Variants in PDCD2L observed in about 807,000 individuals in gnomAD.
The protein encoded by PDCD2L is programmed cell death 2 like.
In PDCD2L, 44 loss-of-function variants were observed where a neutral mutation model predicts 40.4. The ratio of observed to expected loss-of-function variants is 1.09; its 90% CI spans 0.86 to 1.40. PDCD2L has a LOEUF of 1.40. Ranked by LOEUF, PDCD2L falls within the 40% of genes most tolerant of loss-of-function variation. The pLI is 0.00. For synonymous variants in PDCD2L, 194 were observed against 174.6 expected (o/e 1.11, Z -0.88); for missense variants, 470 against 453.7 (o/e 1.04, Z -0.33).
rs1257444853 is a variant in PDCD2L at position 34,404,807 on chromosome 19, TG to T, written c.268del (p.Ala90ArgfsTer67). On this transcript the variant is annotated frameshift_variant, in exon 2 of 7. Transcript: ENST00000246535. LOFTEE classifies it high-confidence loss of function. ...CACPGCSTGG[A>X]RSWKVFRSQC... is the part of the protein sequence containing the mutation. ...CCTGCCCCGGCTGTAGCACCGGCGGTGCGCGCAGGTAGGCGGGGAAGTCCCA... is the reference window on the plus strand; with the variant it reads ...CCTGCCCCGGCTGTAGCACCGGCGGTCGCGCAGGTAGGCGGGGAAGTCCCA... The T allele has an allele frequency of 3.7e-6, 6 of 1,603,630 alleles. No homozygotes were observed. In the South Asian group the frequency reaches 6.7e-5, roughly 18 times the overall value.
intron 4 of PDCD2L, among the ~76,000 whole-genome samples, chr19:34,412,000 TATATATATTAAAAA>T (rs1294998556): frequency 6.9e-6 from 1 of 144,834 alleles, no homozygotes; most frequent in African/African-American, 2.5e-5. Flanking sequence ...AATAATAAAA[TATATATATTAAAAA>T]ATATATATGA....
chr19:34,414,475 T>A (rs938453946), intron 5 of PDCD2L, among the ~76,000 whole-genome samples: 1 of 41,470 alleles, frequency 2.4e-5, no homozygotes, highest in African/African-American at 6.2e-5. Context: ...CATGCCTGGC[T>A]TTTTTTTTTT....
intron 6 of PDCD2L, among the ~76,000 whole-genome samples, chr19:34,422,975 C>T (rs1045545723): frequency 6.6e-6 from 1 of 152,130 alleles, no homozygotes; most frequent in Non-Finnish European, 1.5e-5. Context: ...ACCTCAGCCT[C>T]CCAAAGTGCT....
chr19:34,404,863 G>A, intron 2 of PDCD2L, 48 bp downstream of exon 2: 1 of 1,609,110 alleles, frequency 6.2e-7, no homozygotes, highest in Non-Finnish European at 8.5e-7. Flanking sequence ...CTTTCCAGCG[G>A]GCTGGGGCGG....
chr19:34,415,182 G>A (rs1307203859), intron 5 of PDCD2L, among the ~76,000 whole-genome samples: 2 of 152,006 alleles, frequency 1.3e-5, no homozygotes, highest in African/African-American at 2.4e-5. Context: ...GTGCAGTGAC[G>A]TGATCCTGGC....
intron 4 of PDCD2L, 34 bp downstream of exon 4, chr19:34,409,544 CTG>C (rs1491571389): frequency 6.3e-7 from 1 of 1,576,964 alleles, no homozygotes; most frequent in East Asian, 2.2e-5. Flanking sequence ...TGAGAGGTGA[CTG>C]GATTGGGAAG....
At chr19:34,405,807 G>T (rs2075072111) in intron 3 of PDCD2L, among the ~76,000 whole-genome samples, 1 of 152,138 alleles carries the variant, frequency 6.6e-6, no homozygotes, top group South Asian at 2.1e-4. Context: ...AAGGGAGGTT[G>T]AGGCAGGAGA....
chr19:34,421,296 T>C (rs1310725113), intron 5 of PDCD2L: 2 of 535,740 alleles, frequency 3.7e-6, no homozygotes, highest in Non-Finnish European at 6.7e-6. Context: ...GTTGCAGCTT[T>C]ACCTAGATTC....
chr19:34,425,750 CTGAAATTTT>C (rs2075174171), intron 6 of PDCD2L, among the ~76,000 whole-genome samples: 1 of 152,074 alleles, frequency 6.6e-6, no homozygotes, highest in African/African-American at 2.4e-5. Flanking sequence ...TGAACACTTG[CTGAAATTTT>C]TGTTTATTTT....
chr19:34,426,133 TATTAATATAA>T lies in PDCD2L; in HGVS notation c.*19_*28del. Reference sequence around the variant, plus strand: ...ATTGTTTAAGTAGAGCATTTCCTTTTATTAATATAAATTAAAACAAATGTTTACATCCAAA... The same window carrying T: ...ATTGTTTAAGTAGAGCATTTCCTTTTATTAAAACAAATGTTTACATCCAAA... On this transcript the variant is annotated 3_prime_UTR_variant, in exon 7 of 7. Transcript: ENST00000246535. The T allele has an allele frequency of 6.6e-7, 1 of 1,511,154 alleles. No homozygotes were observed. Among genetic ancestry groups the T allele is most frequent in the Non-Finnish European group, 9.1e-7 (1 of 1,095,052 alleles). 93.6% of individuals were successfully genotyped at this position (1,511,154 alleles called of 1,614,324 possible). A position where few individuals can be genotyped will look rare whatever the true frequency, so the allele number is the denominator to read the frequency against.
intron 5 of PDCD2L, among the ~76,000 whole-genome samples, chr19:34,420,948 T>C (rs1163437173): frequency 6.6e-6 from 1 of 152,160 alleles, no homozygotes; most frequent in Non-Finnish European, 1.5e-5. Flanking sequence ...ATGAAACTGT[T>C]CACCTCAGAT....
chr19:34,417,225 G>A (rs2075130225), intron 5 of PDCD2L, among the ~76,000 whole-genome samples: 1 of 152,098 alleles, frequency 6.6e-6, no homozygotes, highest in South Asian at 2.1e-4. Context: ...GAGCTCAAAG[G>A]TGAGAAAATA....
chr19:34,415,551 T>C (rs757240637), intron 5 of PDCD2L, among the ~76,000 whole-genome samples: 1 of 152,180 alleles, frequency 6.6e-6, no homozygotes, highest in Non-Finnish European at 1.5e-5. Context: ...AATAGCCACA[T>C]AGTAAAAACA....
intron 6 of PDCD2L, among the ~76,000 whole-genome samples, chr19:34,423,339 C>T (rs1267913195): frequency 6.6e-6 from 1 of 151,322 alleles, no homozygotes; most frequent in Non-Finnish European, 1.5e-5. Flanking sequence ...CCCACCACCA[C>T]ACCCAGCTAA....
chr19:34,419,991 T>C (rs983091230), intron 5 of PDCD2L, among the ~76,000 whole-genome samples: 19 of 151,914 alleles, frequency 1.3e-4, no homozygotes, highest in African/African-American at 4.3e-4. Flanking sequence ...TTTTGTATTA[T>C]TATTATTATT....
chr19:34,419,773 C>CCT (rs1431467148), intron 5 of PDCD2L, among the ~76,000 whole-genome samples: 7 of 36,638 alleles, frequency 1.9e-4, no homozygotes, highest in African/African-American at 7.5e-4. Context: ...CTTTATGTTG[C>CCT]TTTTTTTTTT....
In PDCD2L at chr19:34,404,475, G is replaced by A. The variant is rs1313604616; in HGVS notation, c.45G>A (p.Ala15=). The stretch of plus-strand genomic sequence containing the variant: ...CGGTGCTGCTGGGCCTTCGAGATGC[G>A]CCGGTGCACGGCAGCCCCACAGGGC... The part of the protein sequence containing the change: ...LKPVLLGLRD[A]PVHGSPTGPG... Residue 15 remains alanine (A), a synonymous_variant, in exon 1 of 7, where the codon GCG becomes GCA. Coordinates refer to ENST00000246535, the MANE Select transcript of PDCD2L (RefSeq NM_032346.2). 2 of 1,544,112 alleles carry A rather than the reference G, an allele frequency of 1.3e-6. No homozygotes were observed. Among genetic ancestry groups the A allele is most frequent in the Non-Finnish European group, 8.7e-7 (1 of 1,146,464 alleles).
intron 5 of PDCD2L, among the ~76,000 whole-genome samples, chr19:34,418,804 G>C (rs2075136472): frequency 1.3e-5 from 2 of 152,012 alleles, no homozygotes; most frequent in Admixed American, 1.3e-4. Flanking sequence ...TTTAATTTTA[G>C]CCATTTAAGA....
In PDCD2L at chr19:34,404,505, T is replaced by A; in HGVS notation, c.75T>A (p.Gly25=). The change falls in exon 1 of 7, where the codon GGT becomes GGA. Residue 25 remains glycine (G), a synonymous_variant. Transcript: ENST00000246535. ...APVHGSPTGP[G]AWTASKLGGI... ...TGCACGGCAGCCCCACAGGGCCGGGTGCCTGGACTGCTAGCAAGCTGGGCG... is the reference window on the plus strand; with the variant it reads ...TGCACGGCAGCCCCACAGGGCCGGGAGCCTGGACTGCTAGCAAGCTGGGCG... The A allele has an allele frequency of 6.5e-7, 1 of 1,542,284 alleles. No homozygotes were observed. Among genetic ancestry groups the A allele is most frequent in the East Asian group, 2.4e-5 (1 of 40,954 alleles).
Sources: gnomAD v4.1 joint callset for allele counts (sites outside exome capture counted in the v4.1 genomes callset) on GRCh38, gnomAD v4.1.1 for gene constraint, MANE v1.5 for transcripts, NCBI Gene and HGNC (gene_info 2026-07-23, HGNC 2026-07-21) for gene names.